NRXN3: variants seen among roughly 807,000 people sequenced by gnomAD.
The protein encoded by NRXN3 is neurexin 3.
A neutral mutation model predicts 137.6 loss-of-function variants in NRXN3; 32 were observed. That is an observed-to-expected ratio of 0.23 (90% confidence interval 0.18 to 0.31). NRXN3 has a LOEUF of 0.31. Ranked by LOEUF, NRXN3 falls within the 10% of genes least tolerant of loss-of-function variation. The pLI is 1.00. For missense variants in NRXN3, 1,574 were observed against 2,062.5 expected, an observed-to-expected ratio of 0.76 and a Z score of 4.59; for synonymous variants, 798 against 784.5, an observed-to-expected ratio of 1.02 and a Z score of -0.29.
At chr14:78,812,130 T>C (rs2098915882) in intron 10 of NRXN3, among the ~76,000 whole-genome samples, 1 of 152,184 alleles carries the variant, frequency 6.6e-6, no homozygotes, top group South Asian at 2.1e-4. Flanking sequence ...ACAATCACAT[T>C]TTAGAACATT....
intron 4 of NRXN3, among the ~76,000 whole-genome samples, chr14:78,530,571 C>A (rs902584465): frequency 5.9e-5 from 9 of 152,158 alleles, no homozygotes; most frequent in South Asian, 2.1e-4. Context: ...GCTGAGGTGT[C>A]TTTTATGCTA....
chr14:78,607,571 G>T (rs962231770), intron 4 of NRXN3, among the ~76,000 whole-genome samples: 1 of 152,164 alleles, frequency 6.6e-6, no homozygotes, highest in Non-Finnish European at 1.5e-5. Context: ...GCCTGGTGCT[G>T]TGCTAGAGAC....
chr14:78,824,103 CTTTTTT>C lies in NRXN3; in HGVS notation c.2275+13776_2275+13781del, dbSNP rs11387026. Among the ~76,000 whole-genome samples, 81 of 98,950 alleles carry C rather than the reference CTTTTTT, an allele frequency of 8.2e-4. 1 individual carries two copies. The highest frequency in any genetic ancestry group is 5.7e-3 in the Admixed American group (47 of 8,266). 64.9% of individuals were successfully genotyped at this position (98,950 alleles called of 152,430 possible). The stretch of plus-strand genomic sequence containing the variant: ...CAATAAAGAAATGGGTCACCTGCTT[CTTTTTT>C]TTTTTTTTTTTTTTTTCCAGAGCTG... On this transcript the variant is annotated intron_variant, in intron 10 of 20. Transcript: ENST00000335750.
chr14:78,755,275 C>T (rs1249891846), intron 8 of NRXN3, among the ~76,000 whole-genome samples: 1 of 151,806 alleles, frequency 6.6e-6, no homozygotes, highest in Admixed American at 6.6e-5. Context: ...AATTCTCCCA[C>T]CTTGGCCTCC....
intron 4 of NRXN3, among the ~76,000 whole-genome samples, chr14:78,454,363 G>A (rs948374161): frequency 4.0e-5 from 6 of 151,574 alleles, no homozygotes; most frequent in African/African-American, 1.5e-4. Context: ...CCTGTGGTGG[G>A]AACAAGGCTT....
intron 8 of NRXN3, among the ~76,000 whole-genome samples, chr14:78,782,506 C>G (rs979930662): frequency 6.6e-6 from 1 of 152,180 alleles, no homozygotes; most frequent in Non-Finnish European, 1.5e-5. Flanking sequence ...TTTGCAATCC[C>G]AAGAAATCTG....
At chr14:78,528,009 C>T (rs1390566610) in intron 4 of NRXN3, among the ~76,000 whole-genome samples, 1 of 152,172 alleles carries the variant, frequency 6.6e-6, no homozygotes, top group African/African-American at 2.4e-5. Flanking sequence ...CTTAGCATAT[C>T]CATGAGTGTG....
At chr14:79,586,433 G>T (rs1483812127) in intron 16 of NRXN3, among the ~76,000 whole-genome samples, 2 of 152,172 alleles carry the variant, frequency 1.3e-5, no homozygotes, top group Non-Finnish European at 2.9e-5. Context: ...TTTTTGAAAT[G>T]CTCATTGTAG....
At chr14:78,595,965 G>A (rs1258530429) in intron 4 of NRXN3, among the ~76,000 whole-genome samples, 1 of 152,162 alleles carries the variant, frequency 6.6e-6, no homozygotes, top group Non-Finnish European at 1.5e-5. Context: ...GTTTTTCCTT[G>A]TCACACTGGG....
intron 1 of NRXN3, among the ~76,000 whole-genome samples, chr14:78,189,112 G>A (rs2060489414): frequency 6.6e-6 from 1 of 151,972 alleles, no homozygotes. Context: ...CTCCTTTCTT[G>A]CTCTCACATC....
chr14:79,779,624 A>G, intron 19 of NRXN3, among the ~76,000 whole-genome samples: 1 of 152,116 alleles, frequency 6.6e-6, no homozygotes, highest in South Asian at 2.1e-4. Context: ...GATACTGAGT[A>G]TTTCTTAGAC....
chr14:79,557,987 C>T (rs887010714), intron 16 of NRXN3, among the ~76,000 whole-genome samples: 4 of 151,900 alleles, frequency 2.6e-5, no homozygotes, highest in East Asian at 3.9e-4. Context: ...ACAGTGTTCA[C>T]GACATGTTTA....
chr14:79,689,040 G>T (rs1344025967), intron 17 of NRXN3, among the ~76,000 whole-genome samples: 4 of 152,078 alleles, frequency 2.6e-5, no homozygotes, highest in African/African-American at 7.2e-5. Flanking sequence ...GTGTGATTAA[G>T]AAATGAAGTT....
At chr14:79,826,989 G>A (rs938757917) in intron 20 of NRXN3, among the ~76,000 whole-genome samples, 5 of 152,078 alleles carry the variant, frequency 3.3e-5, no homozygotes, top group South Asian at 2.1e-4. Context: ...ATTCCTTAGA[G>A]AGCACGGATA....
chr14:79,560,259 C>T (rs2097478510), intron 16 of NRXN3, among the ~76,000 whole-genome samples: 1 of 151,872 alleles, frequency 6.6e-6, no homozygotes, highest in African/African-American at 2.4e-5. Context: ...TTCCTCTGGC[C>T]TGGTTCGTCA....
At chr14:78,883,842 T>C (rs1054164548) in intron 10 of NRXN3, among the ~76,000 whole-genome samples, 1 of 152,200 alleles carries the variant, frequency 6.6e-6, no homozygotes, top group African/African-American at 2.4e-5. Context: ...GTGATGAATT[T>C]GTTGCATGAT....
chr14:79,819,773 G>A (rs1006158883), intron 20 of NRXN3, among the ~76,000 whole-genome samples: 5 of 151,480 alleles, frequency 3.3e-5, no homozygotes, highest in Non-Finnish European at 7.4e-5. Context: ...ATCAGCCACC[G>A]CACCCGGCCC....
chr14:78,176,955 G>T (rs548893256), intron 1 of NRXN3, among the ~76,000 whole-genome samples: 1 of 152,218 alleles, frequency 6.6e-6, no homozygotes, highest in South Asian at 2.1e-4. Flanking sequence ...CTATATTCCA[G>T]CTGAGTGGTG....
At chr14:78,300,814 C>G in intron 4 of NRXN3, 1 of 674,198 alleles carries the variant, frequency 1.5e-6, no homozygotes, top group Non-Finnish European at 2.5e-6. Context: ...TTAACAACAA[C>G]TGAAAAATAA....
Sources: gnomAD v4.1 joint callset for allele counts (sites outside exome capture counted in the v4.1 genomes callset) on GRCh38, gnomAD v4.1.1 for gene constraint, MANE v1.5 for transcripts, NCBI Gene and HGNC (gene_info 2026-07-23, HGNC 2026-07-21) for gene names.